Variants in PDE1C observed in about 807,000 individuals in gnomAD.
PDE1C encodes dual specificity calcium/calmodulin-dependent 3',5'-cyclic nucleotide phosphodiesterase 1C.
Under a neutral mutation model 93.1 loss-of-function variants are expected in PDE1C, and 62 were observed. The observed-to-expected ratio is 0.67, with a 90% CI of 0.54 to 0.82. The LOEUF (loss-of-function observed/expected upper bound fraction) is 0.82. Ranked by LOEUF, PDE1C falls within the 40% of genes least tolerant of loss-of-function variation. The pLI, the probability that PDE1C is intolerant of heterozygous loss-of-function variation, is 0.00. For synonymous variants in PDE1C, 325 were observed against 310.1 expected (o/e 1.05, Z -0.50); for missense variants, 742 against 884.6 (o/e 0.84, Z 2.04).
At position 31,865,534 on chromosome 7, in the gene PDE1C, C is replaced by A. The variant is rs76222634; in HGVS notation, c.610-452G>T. On this transcript the variant is annotated intron_variant, in intron 6 of 17. Transcript: ENST00000396191. ...ACACCAAACAATGTTGTAAATAACA[C>A]TGAGGAATTCAAAAATAATACTAAT... Among the ~76,000 whole-genome samples, 963 of 152,240 alleles carry A rather than the reference C, an allele frequency of 6.3e-3. 13 individuals are homozygous for A. Among genetic ancestry groups the A allele is most frequent in the African/African-American group, 0.022 (905 of 41,544 alleles).
At chr7:31,754,696 T>C (rs878970046) in intron 17 of PDE1C, among the ~76,000 whole-genome samples, 9 of 152,172 alleles carry the variant, frequency 5.9e-5, no homozygotes, top group Admixed American at 5.9e-4. Flanking sequence ...GACATAACTA[T>C]AGAGATGATA....
chr7:32,170,681 G>A (rs1343308324), intron 2 of PDE1C, among the ~76,000 whole-genome samples: 2 of 152,124 alleles, frequency 1.3e-5, no homozygotes, highest in Non-Finnish European at 2.9e-5. Context: ...CTACATGCAT[G>A]TGCCCAACAC....
intron 2 of PDE1C, among the ~76,000 whole-genome samples, chr7:31,946,012 C>T (rs989341149): frequency 2.0e-5 from 3 of 152,134 alleles, no homozygotes; most frequent in Non-Finnish European, 4.4e-5. Context: ...TTTCTAGCAT[C>T]TCCTTTTGAT....
At chr7:32,421,207 C>A in intron 1 of PDE1C, among the ~76,000 whole-genome samples, 1 of 152,160 alleles carries the variant, frequency 6.6e-6, no homozygotes, top group East Asian at 1.9e-4. Context: ...AGTAGGTGAT[C>A]TAGGGCCTGA....
intron 2 of PDE1C, among the ~76,000 whole-genome samples, chr7:32,013,570 G>C (rs1274433159): frequency 6.6e-6 from 1 of 152,170 alleles, no homozygotes; most frequent in Admixed American, 6.5e-5. Flanking sequence ...AAGAGGCAAA[G>C]GCAGAGGAGA....
At chr7:32,168,052 G>C (rs1407125570) in intron 3 of PDE1C, among the ~76,000 whole-genome samples, 1 of 152,040 alleles carries the variant, frequency 6.6e-6, no homozygotes, top group Non-Finnish European at 1.5e-5. Context: ...TGGAAGAAAG[G>C]ATAGTTACAA....
chr7:31,701,852 A>T, the PDE1C span, among the ~76,000 whole-genome samples: 1 of 152,252 alleles, frequency 6.6e-6, no homozygotes, highest in Non-Finnish European at 1.5e-5. Flanking sequence ...ATTTTTAAAG[A>T]CATAATGCTA....
At chr7:31,976,704 C>A (rs905860166) in intron 2 of PDE1C, among the ~76,000 whole-genome samples, 5 of 152,192 alleles carry the variant, frequency 3.3e-5, no homozygotes, top group South Asian at 2.1e-4. Flanking sequence ...TACCCAGTCT[C>A]CCCACAGCAA....
At chr7:32,096,863 A>ATAGC (rs1462697890) in intron 3 of PDE1C, among the ~76,000 whole-genome samples, 10 of 135,156 alleles carry the variant, frequency 7.4e-5, no homozygotes, top group Non-Finnish European at 1.3e-4. Flanking sequence ...AGATAGATAG[A>ATAGC]CAGACAGATC....
At chr7:31,985,773 G>C (rs1426330517) in intron 2 of PDE1C, among the ~76,000 whole-genome samples, 4 of 152,156 alleles carry the variant, frequency 2.6e-5, no homozygotes, top group Non-Finnish European at 5.9e-5. Context: ...TGGCTGCATA[G>C]TATTCCATGG....
At chr7:32,297,126 C>A (rs759425383) in intron 1 of PDE1C, among the ~76,000 whole-genome samples, 1 of 152,296 alleles carries the variant, frequency 6.6e-6, no homozygotes, top group East Asian at 1.9e-4. Context: ...CCTGCAGGAA[C>A]AGCCTAGGCA....
At chr7:32,274,023 C>A (rs1035539616) in intron 1 of PDE1C, among the ~76,000 whole-genome samples, 1 of 151,976 alleles carries the variant, frequency 6.6e-6, no homozygotes, top group South Asian at 2.1e-4. Flanking sequence ...CAGAAACATA[C>A]ACCAGAGGAC....
At chr7:32,139,830 C>T (rs943834184) in intron 3 of PDE1C, among the ~76,000 whole-genome samples, 1 of 152,110 alleles carries the variant, frequency 6.6e-6, no homozygotes, top group African/African-American at 2.4e-5. Context: ...AGAGATATCT[C>T]ATCTTCTGCC....
chr7:32,155,046 G>C (rs906257476), intron 3 of PDE1C, among the ~76,000 whole-genome samples: 24 of 152,060 alleles, frequency 1.6e-4, no homozygotes, highest in African/African-American at 5.8e-4. Flanking sequence ...AAATGAGCAG[G>C]CTGGTGTGGC....
the PDE1C span, among the ~76,000 whole-genome samples, chr7:31,702,607 C>T: frequency 3.9e-5 from 6 of 152,204 alleles, no homozygotes; most frequent in Admixed American, 3.3e-4. Flanking sequence ...ATACCCAAAA[C>T]TTTGTCATCT....
chr7:31,662,196 G>A, the PDE1C span, among the ~76,000 whole-genome samples: 4 of 152,148 alleles, frequency 2.6e-5, no homozygotes, highest in Non-Finnish European at 5.9e-5. Flanking sequence ...TGGTCCTGCT[G>A]GTACTAATTT....
intron 2 of PDE1C, among the ~76,000 whole-genome samples, chr7:31,895,449 T>C (rs1422292478): frequency 1.3e-5 from 2 of 152,030 alleles, no homozygotes; most frequent in Non-Finnish European, 2.9e-5. Flanking sequence ...TCTTGGAGAG[T>C]AACAGCGAGC....
intron 2 of PDE1C, among the ~76,000 whole-genome samples, chr7:31,896,024 C>T (rs149181638): frequency 6.0e-5 from 2 of 33,448 alleles, no homozygotes; most frequent in South Asian, 1.1e-3. Flanking sequence ...CATACATACA[C>T]ACACAAACAC....
At position 32,221,598 on chromosome 7, in the gene PDE1C, C is replaced by T. The variant is rs148606101; in HGVS notation, c.86-12059G>A. On this transcript the variant is annotated intron_variant, in intron 1 of 18. Transcript: ENST00000396193. ...GGTCCAGGTACCATACTTTGAGTAGCTCAGTGCTAAAGGACATAACCCGCA... is the reference window on the plus strand; with the variant it reads ...GGTCCAGGTACCATACTTTGAGTAGTTCAGTGCTAAAGGACATAACCCGCA... Among the ~76,000 whole-genome samples the T allele has an allele frequency of 3.9e-3, 592 of 152,268 alleles. 5 individuals carry two copies. Among genetic ancestry groups the T allele is most frequent in the African/African-American group, 0.014 (561 of 41,538 alleles).
Sources: allele counts gnomAD v4.1 joint callset (sites outside exome capture counted in the v4.1 genomes callset), GRCh38; gene constraint gnomAD v4.1.1; transcripts MANE v1.5; gene names NCBI Gene and HGNC (gene_info 2026-07-23, HGNC 2026-07-21).